The following AP2B1 variants were observed in gnomAD, a reference collection of about 807,000 sequenced individuals.
AP2B1 encodes the protein adaptor related protein complex 2 subunit beta 1.
Under a neutral mutation model 102.0 loss-of-function variants are expected in AP2B1, and 23 were observed. The observed-to-expected ratio is 0.23, with a 90% confidence interval of 0.16 to 0.32. AP2B1 has a LOEUF of 0.32. Among genes scored for constraint, AP2B1 ranks in the 10% least tolerant of loss-of-function variants. The pLI is 1.00. For synonymous variants in AP2B1, 381 were observed against 421.2 expected (o/e 0.90, Z 1.17); for missense variants, 541 against 1,157.4 (o/e 0.47, Z 7.73).
At position 35,595,133 on chromosome 17, in the gene AP2B1, T is replaced by C. The variant is rs765880217; in HGVS notation, c.37+1066T>C. Among the ~76,000 whole-genome samples, 15 of 152,234 alleles carry C rather than the reference T, an allele frequency of 9.9e-5. No individual in the cohort carries two copies. In the South Asian group the frequency reaches 3.1e-3, roughly 32 times the overall value. ...AGTTTGTTGTCTGTAGCTTTCAGTCTTGGCAACACATCAGAATTGCTCAGC... is the reference window on the plus strand; with the variant it reads ...AGTTTGTTGTCTGTAGCTTTCAGTCCTGGCAACACATCAGAATTGCTCAGC... On this transcript the variant is annotated intron_variant, in intron 2 of 21. Transcript: ENST00000610402.
At position 35,701,474 on chromosome 17, in the gene AP2B1, A is replaced by G. The variant is rs371854748; in HGVS notation, c.2455-7750A>G. Among the ~76,000 whole-genome samples, 129 of 152,330 alleles carry G rather than the reference A, an allele frequency of 8.5e-4. 1 individual carries two copies. The highest frequency in any genetic ancestry group is 3.5e-3 in the East Asian group (18 of 5,190). ...ACTTCAAAGATATTTTGTTCTTATG[A>G]TAGTCTACTTCATATTATACCCCTA... On this transcript the variant is annotated intron_variant, in intron 18 of 21. Transcript: ENST00000610402.
chr17:35,720,482 T>A (rs1202134510), intron 21 of AP2B1, among the ~76,000 whole-genome samples: 1 of 146,166 alleles, frequency 6.8e-6, no homozygotes, highest in African/African-American at 2.5e-5. Flanking sequence ...TTAAAAAAAA[T>A]AGATTCTGTC....
rs2075064429 is a variant in AP2B1 at position 35,650,679 on chromosome 17, G to A, written c.1686G>A (p.Glu562=). ...TDLIEPTLLD[E]LICHIGSLAS... ...TTATTGAGCCAACTCTGCTGGATGA[G>A]CTAATCTGCCACATTGGTTCTTTGG... The change falls in exon 13 of 22, where the codon GAG becomes GAA. Residue 562 remains glutamate, a synonymous_variant. Transcript: ENST00000610402. 1.2e-6 allele frequency: 2 copies of A among 1,614,182 alleles called. No homozygotes were observed. Among genetic ancestry groups the A allele is most frequent in the Non-Finnish European group, 1.7e-6 (2 of 1,180,036 alleles).
rs2072925319 is a variant in AP2B1, at chr17:35,587,350, G to A, written c.-102G>A. The A allele has an allele frequency of 6.6e-6, 1 of 152,440 alleles. No individual in the cohort carries two copies. Among genetic ancestry groups the A allele is most frequent in the African/African-American group, 2.4e-5 (1 of 41,478 alleles). The allele number at this position is 152,440 out of a possible 1,614,324, so 9.4% of individuals were successfully genotyped here. ...CCTAGAAAAGAATCGTGACGGGCAG[G>A]AAACCATTACACCACCACCTGGGCT... On this transcript the variant is annotated 5_prime_UTR_variant, in exon 1 of 22. Coordinates refer to ENST00000610402, the MANE Select transcript of AP2B1 (RefSeq NM_001030006.2).
intron 14 of AP2B1, among the ~76,000 whole-genome samples, chr17:35,666,156 C>T (rs544865117): frequency 7.9e-5 from 12 of 152,120 alleles, no homozygotes; most frequent in Non-Finnish European, 1.5e-4. Flanking sequence ...AGACTTTTGG[C>T]TCTACCTGGC....
chr17:35,633,115 C>T (rs992795176), intron 9 of AP2B1, among the ~76,000 whole-genome samples: 2 of 152,084 alleles, frequency 1.3e-5, no homozygotes, highest in African/African-American at 2.4e-5. Context: ...CTAATCCCAG[C>T]GCTTTGGGAG....
chr17:35,611,021 G>A (rs144321691), intron 5 of AP2B1, among the ~76,000 whole-genome samples: 1,610 of 152,228 alleles, frequency 0.011, 22 homozygotes, highest in African/African-American at 0.029. Context: ...GCTGTAGTGA[G>A]CTATGATTGC....
At chr17:35,699,523 A>G (rs587662552) in intron 18 of AP2B1, among the ~76,000 whole-genome samples, 1 of 152,340 alleles carries the variant, frequency 6.6e-6, no homozygotes, top group Non-Finnish European at 1.5e-5. Flanking sequence ...GGACTGAGAA[A>G]GAATATGGGA....
At chr17:35,640,677 A>G (rs2074753619) in intron 11 of AP2B1, among the ~76,000 whole-genome samples, 1 of 152,208 alleles carries the variant, frequency 6.6e-6, no homozygotes, top group Non-Finnish European at 1.5e-5. Flanking sequence ...CTGACTCAGT[A>G]GGTCTGAGAT....
intron 13 of AP2B1, among the ~76,000 whole-genome samples, chr17:35,655,882 G>T (rs1407888255): frequency 6.6e-6 from 1 of 152,188 alleles, no homozygotes; most frequent in Admixed American, 6.5e-5. Context: ...TTTTCCTGAT[G>T]AGTAAAGTTG....
At chr17:35,665,126 C>CTTTTTT (rs10635426) in intron 14 of AP2B1, among the ~76,000 whole-genome samples, 4 of 116,280 alleles carry the variant, frequency 3.4e-5, no homozygotes, top group African/African-American at 6.7e-5. Context: ...TTTGGAATAG[C>CTTTTTT]TTTTTTTTTT....
chr17:35,622,720 A>C (rs1452759453), intron 5 of AP2B1, among the ~76,000 whole-genome samples: 2 of 152,176 alleles, frequency 1.3e-5, no homozygotes, highest in Admixed American at 1.3e-4. Context: ...GCTGGAGTGC[A>C]GTGGCGTGAT....
chr17:35,639,315 A>G (rs945110226), intron 10 of AP2B1, among the ~76,000 whole-genome samples: 8 of 152,194 alleles, frequency 5.3e-5, no homozygotes, highest in African/African-American at 1.7e-4. Flanking sequence ...CCTGGGTGAC[A>G]AGAGTGAGAC....
intron 4 of AP2B1, among the ~76,000 whole-genome samples, chr17:35,606,736 A>G (rs2073690129): frequency 6.6e-6 from 1 of 152,136 alleles, no homozygotes; most frequent in Non-Finnish European, 1.5e-5. Context: ...AACATCATAT[A>G]TTAAATAGTT....
chr17:35,616,142 C>CTTTTTTTTTTTTTTTT (rs71152739), intron 5 of AP2B1, among the ~76,000 whole-genome samples: 2 of 57,436 alleles, frequency 3.5e-5, no homozygotes, highest in Admixed American at 3.0e-4. Flanking sequence ...AAAAATATCT[C>CTTTTTTTTTTTTTTTT]TTTTTTTTTT....
At position 35,724,475 on chromosome 17, in the gene AP2B1, T is replaced by G. The variant is rs587766427; in HGVS notation, c.*776T>G. 17 of 152,282 alleles carry G rather than the reference T, an allele frequency of 1.1e-4. No homozygotes were observed. Among genetic ancestry groups the G allele is most frequent in the African/African-American group, 4.1e-4 (17 of 41,552 alleles). The allele number at this position is 152,282 out of a possible 1,614,324, so 9.4% of individuals were successfully genotyped here. ...AGAAGTTATACCTTACTCCTTTCCT[T>G]TCCCCTGAACAAACCTGCTAATCCC... On this transcript the variant is annotated 3_prime_UTR_variant, in exon 22 of 22. Transcript: ENST00000610402.
At chr17:35,701,132 G>T (rs931175229) in intron 18 of AP2B1, among the ~76,000 whole-genome samples, 2 of 150,844 alleles carry the variant, frequency 1.3e-5, no homozygotes, top group African/African-American at 4.9e-5. Flanking sequence ...ATACTTTTTT[G>T]ACTGCAACTT....
chr17:35,639,685 A>G lies in AP2B1; in HGVS notation c.1362A>G (p.Glu454=). 6.2e-7 allele frequency: 1 copy of G among 1,614,160 alleles called. No individual in the cohort carries two copies. The highest frequency in any genetic ancestry group is 8.5e-7 in the Non-Finnish European group (1 of 1,180,024). ...ARAAMIWIVG[E]YAERIDNADE... is the part of the protein sequence containing the mutation. ...CAGCTATGATTTGGATTGTGGGAGA[A>G]TATGCTGAAAGAATTGACAATGCAG... The change falls in exon 11 of 22, where the codon GAA becomes GAG. Residue 454 remains glutamate (E), a synonymous_variant. Coordinates refer to ENST00000610402, the MANE Select transcript of AP2B1 (RefSeq NM_001030006.2).
chr17:35,650,700 T>C lies in AP2B1; in HGVS notation c.1707T>C (p.Ser569=). ...ATGAGCTAATCTGCCACATTGGTTCTTTGGCCTCTGTGTATCATAAGCCTC... is the reference window on the plus strand; with the variant it reads ...ATGAGCTAATCTGCCACATTGGTTCCTTGGCCTCTGTGTATCATAAGCCTC... The part of the protein sequence containing the change: ...LLDELICHIG[S]LASVYHKPPN... The change falls in exon 13 of 22, where the codon TCT becomes TCC. Residue 569 remains serine (S), a synonymous_variant. Transcript: ENST00000610402. 6.2e-7 allele frequency: 1 copy of C among 1,614,198 alleles called. No individual in the cohort carries two copies. Among genetic ancestry groups the C allele is most frequent in the South Asian group, 1.1e-5 (1 of 91,082 alleles).
Sources: allele counts gnomAD v4.1 joint callset (sites outside exome capture counted in the v4.1 genomes callset), GRCh38; gene constraint gnomAD v4.1.1; transcripts MANE v1.5; gene names NCBI Gene and HGNC (gene_info 2026-07-23, HGNC 2026-07-21).